ARHGAP26: variants seen among roughly 807,000 people sequenced by gnomAD.
ARHGAP26 encodes the protein rho GTPase-activating protein 26.
A neutral mutation model predicts 104.8 loss-of-function variants in ARHGAP26; 38 were observed. The ratio of observed to expected loss-of-function variants is 0.36; its 90% CI spans 0.28 to 0.48. The LOEUF (loss-of-function observed/expected upper bound fraction) is 0.48, where lower values mean the gene tolerates loss of function less well. ARHGAP26 is among the 20% of genes least tolerant of loss of function. The pLI, the probability that ARHGAP26 is intolerant of heterozygous loss-of-function variation, is 0.99. For missense variants in ARHGAP26, 704 were observed against 947.9 expected, an observed-to-expected ratio of 0.74 and a Z score of 3.38; for synonymous variants, 341 against 340.0, an observed-to-expected ratio of 1.00 and a Z score of -0.03.
At chr5:143,138,853 A>G (rs1798195719) in intron 19 of ARHGAP26, among the ~76,000 whole-genome samples, 1 of 152,226 alleles carries the variant, frequency 6.6e-6, no homozygotes, top group Non-Finnish European at 1.5e-5. Flanking sequence ...AGGAAATAAA[A>G]TTTACATTAA....
intron 11 of ARHGAP26, among the ~76,000 whole-genome samples, chr5:142,982,545 A>G (rs1429191035): frequency 1.3e-5 from 2 of 152,204 alleles, no homozygotes; most frequent in African/African-American, 4.8e-5. Context: ...GTCCTGTGGA[A>G]TTGGCTGAAT....
intron 17 of ARHGAP26, among the ~76,000 whole-genome samples, chr5:143,091,178 A>G (rs1419981604): frequency 1.3e-5 from 2 of 151,992 alleles, no homozygotes; most frequent in Admixed American, 6.6e-5. Flanking sequence ...CGCTTTCTTG[A>G]CTCGGGTGTG....
intron 17 of ARHGAP26, among the ~76,000 whole-genome samples, chr5:143,071,049 T>C (rs1048849420): frequency 1.3e-5 from 2 of 152,200 alleles, no homozygotes; most frequent in African/African-American, 4.8e-5. Context: ...GGTATCACAC[T>C]ACCCAACCTC....
intron 1 of ARHGAP26, among the ~76,000 whole-genome samples, chr5:142,772,322 A>G (rs1353731768): frequency 6.6e-6 from 1 of 152,192 alleles, no homozygotes; most frequent in African/African-American, 2.4e-5. Context: ...AAACATATGA[A>G]CAGACCCTTC....
At chr5:142,776,240 T>C (rs1756290624) in intron 1 of ARHGAP26, among the ~76,000 whole-genome samples, 1 of 152,218 alleles carries the variant, frequency 6.6e-6, no homozygotes, top group Non-Finnish European at 1.5e-5. Flanking sequence ...CCCAAAGTGC[T>C]GCGATTACAG....
chr5:143,124,492 C>G (rs962791016), intron 18 of ARHGAP26, among the ~76,000 whole-genome samples: 6 of 152,176 alleles, frequency 3.9e-5, no homozygotes, highest in African/African-American at 1.2e-4. Context: ...TTGACTGGGA[C>G]TGGAGGGTCC....
At chr5:143,101,289 C>T (rs778745932) in intron 17 of ARHGAP26, among the ~76,000 whole-genome samples, 8 of 152,110 alleles carry the variant, frequency 5.3e-5, no homozygotes, top group South Asian at 4.1e-4. Flanking sequence ...TACTCTGGTT[C>T]GAGTGTGTCA....
chr5:142,853,860 G>A lies in ARHGAP26; in HGVS notation c.155-19540G>A, dbSNP rs146804065. On this transcript the variant is annotated intron_variant, in intron 1 of 22. Coordinates refer to ENST00000645722, the MANE Select transcript of ARHGAP26 (RefSeq NM_001135608.3). Reference sequence around the variant, plus strand: ...GGTTATGCGTGTTTCTGTTTGTAGTGTAATGGGAAACACTAATGGACAGTA... The same window carrying A: ...GGTTATGCGTGTTTCTGTTTGTAGTATAATGGGAAACACTAATGGACAGTA... 3.6e-4 allele frequency among the ~76,000 whole-genome samples: 55 copies of A among 152,292 alleles called. 1 individual carries two copies. Among genetic ancestry groups the A allele is most frequent in the South Asian group, 1.4e-3 (7 of 4,830 alleles).
intron 4 of ARHGAP26, among the ~76,000 whole-genome samples, chr5:142,883,414 A>G (rs17099647): frequency 0.12 from 18,243 of 152,246 alleles, 2,152 homozygotes; most frequent in African/African-American, 0.3. Context: ...TGAAGGAGTA[A>G]TGTGTCCTCA....
intron 17 of ARHGAP26, among the ~76,000 whole-genome samples, chr5:143,096,030 TA>T (rs1300325641): frequency 1.3e-5 from 2 of 152,236 alleles, no homozygotes; most frequent in East Asian, 1.9e-4. Context: ...GGTAATTTTT[TA>T]AAAAAATTAT....
At chr5:143,053,040 A>T (rs777296283) in intron 14 of ARHGAP26, among the ~76,000 whole-genome samples, 1 of 152,156 alleles carries the variant, frequency 6.6e-6, no homozygotes, top group Non-Finnish European at 1.5e-5. Context: ...TAAGAAGGAG[A>T]GGCAAATACA....
chr5:142,833,264 T>C lies in ARHGAP26; in HGVS notation c.155-40136T>C, dbSNP rs191471731. Among the ~76,000 whole-genome samples the C allele has an allele frequency of 3.0e-3, 457 of 151,596 alleles. 4 individuals carry two copies. The highest frequency in any genetic ancestry group is 1.9e-3 in the Non-Finnish European group (131 of 67,852). On this transcript the variant is annotated intron_variant, in intron 1 of 22. Coordinates refer to ENST00000645722, the MANE Select transcript of ARHGAP26 (RefSeq NM_001135608.3). The stretch of plus-strand genomic sequence containing the variant: ...TTAGTAGAGATGGCATTTCACCATG[T>C]TGACCAGGCTGGTCTCAAACTCCTG...
chr5:142,857,278 T>C (rs905853800), intron 1 of ARHGAP26, among the ~76,000 whole-genome samples: 3 of 152,224 alleles, frequency 2.0e-5, no homozygotes, highest in Non-Finnish European at 4.4e-5. Flanking sequence ...TTGAGGGTAC[T>C]ATCCACTACA....
At chr5:143,164,315 A>G (rs1016133529) in intron 20 of ARHGAP26, among the ~76,000 whole-genome samples, 2 of 152,140 alleles carry the variant, frequency 1.3e-5, no homozygotes, top group African/African-American at 4.8e-5. Context: ...TTTACTATCA[A>G]ATTTTCATGC....
At chr5:142,906,850 T>G (rs1761170688) in intron 8 of ARHGAP26, among the ~76,000 whole-genome samples, 1 of 152,234 alleles carries the variant, frequency 6.6e-6, no homozygotes, top group South Asian at 2.1e-4. Context: ...ATTAAACGTC[T>G]GCTAATTCTC....
intron 14 of ARHGAP26, among the ~76,000 whole-genome samples, chr5:143,053,736 A>G (rs1402674210): frequency 1.3e-5 from 2 of 152,242 alleles, no homozygotes; most frequent in Admixed American, 1.3e-4. Flanking sequence ...TAAAAATACA[A>G]AAGTAATGGA....
At position 143,226,504 on chromosome 5, in the gene ARHGAP26, A is replaced by G. The variant is rs998253670; in HGVS notation, c.*4058A>G. ...TCAAAGGAAAAAAAAAAAAAAAAAA[A>G]AAGAATGCCATGCCAGGAGAAGACA... On this transcript the variant is annotated 3_prime_UTR_variant, in exon 23 of 23. Coordinates refer to ENST00000645722, the MANE Select transcript of ARHGAP26 (RefSeq NM_001135608.3). 4.0e-5 allele frequency: 7 copies of G among 174,888 alleles called. No individual in the cohort carries two copies. The highest frequency in any genetic ancestry group is 5.9e-5 in the Non-Finnish European group (5 of 84,270). 10.8% of individuals were successfully genotyped at this position (174,888 alleles called of 1,614,324 possible).
intron 1 of ARHGAP26, among the ~76,000 whole-genome samples, chr5:142,790,609 T>C (rs1155226): frequency 0.24 from 36,101 of 152,164 alleles, 8,496 homozygotes; most frequent in African/African-American, 0.61. Context: ...CATGCGGCCT[T>C]GTATGATCAG....
At chr5:143,128,514 C>A (rs1796969132) in intron 18 of ARHGAP26, among the ~76,000 whole-genome samples, 1 of 152,208 alleles carries the variant, frequency 6.6e-6, no homozygotes, top group Non-Finnish European at 1.5e-5. Context: ...GGACTTCCAA[C>A]TGTCCTTAAA....
Sources: gnomAD v4.1 joint callset for allele counts (sites outside exome capture counted in the v4.1 genomes callset) on GRCh38, gnomAD v4.1.1 for gene constraint, MANE v1.5 for transcripts, NCBI Gene and HGNC (gene_info 2026-07-23, HGNC 2026-07-21) for gene names.